Variants in ABCC5 observed in about 807,000 individuals in gnomAD.
The protein encoded by ABCC5 is ATP-binding cassette sub-family C member 5.
Under a neutral mutation model 160.9 loss-of-function variants are expected in ABCC5, and 61 were observed. The ratio of observed to expected loss-of-function variants is 0.38; its 90% CI spans 0.31 to 0.47. ABCC5 has a LOEUF of 0.47. Ranked by LOEUF, ABCC5 falls within the 20% of genes least tolerant of loss-of-function variation. The pLI, the probability that ABCC5 is intolerant of heterozygous loss-of-function variation, is 0.99. For missense variants in ABCC5, 1,308 were observed against 1,813.3 expected (o/e 0.72, Z 5.06); for synonymous variants, 666 against 700.6 (o/e 0.95, Z 0.78).
intron 17 of ABCC5, among the ~76,000 whole-genome samples, chr3:183,957,638 T>C (rs867117821): frequency 9.9e-5 from 15 of 151,138 alleles, no homozygotes; most frequent in South Asian, 2.1e-4. Flanking sequence ...GTAAATCACA[T>C]CGGTTACATG....
In ABCC5 at chr3:184,017,645, T is replaced by C. The variant is rs1722303611; in HGVS notation, c.-56+185A>G. Among the ~76,000 whole-genome samples, 2 of 152,010 alleles carry C rather than the reference T, an allele frequency of 1.3e-5. No homozygotes were observed. The highest frequency in any genetic ancestry group is 4.8e-5 in the African/African-American group (2 of 41,402). On this transcript the variant is annotated intron_variant, in intron 1 of 29. Coordinates refer to ENST00000334444, the MANE Select transcript of ABCC5 (RefSeq NM_005688.4). The surrounding 1 kb of genome is among the most constrained non-coding windows in gnomAD (Gnocchi z 4.5). ...ACGACCCCGTCACCAGACCCCGGGC[T>C]CACAGGCCTAGGAGGCGGCGGCAGG...
intron 2 of ABCC5, among the ~76,000 whole-genome samples, chr3:184,002,413 G>A (rs866515069): frequency 1.2e-4 from 17 of 139,882 alleles, no homozygotes; most frequent in Middle Eastern, 3.6e-3. Flanking sequence ...AAAAAAAAAA[G>A]AGAAAAACAA....
chr3:183,928,889 C>A, intron 26 of ABCC5, 64 bp from the exon 27 acceptor site: 1 of 1,382,792 alleles, frequency 7.2e-7, no homozygotes. Context: ...CAAAGGCTGT[C>A]TGTGGAAGAT....
At chr3:183,953,628 C>T (rs1715593983) in intron 17 of ABCC5, among the ~76,000 whole-genome samples, 1 of 152,152 alleles carries the variant, frequency 6.6e-6, no homozygotes. Flanking sequence ...ATGGGAACCC[C>T]TGGGAGGCAT....
At chr3:183,985,420 T>A (rs374000923) in intron 5 of ABCC5, 129 of 1,537,728 alleles carry the variant, frequency 8.4e-5, no homozygotes, top group Non-Finnish European at 1.1e-4. Context: ...ACAGAGAGAC[T>A]CCCCCCAAAT....
intron 2 of ABCC5, among the ~76,000 whole-genome samples, chr3:184,012,319 A>G (rs970098162): frequency 6.6e-6 from 1 of 152,146 alleles, no homozygotes; most frequent in Admixed American, 6.5e-5. Flanking sequence ...GGCATGCAGA[A>G]TTTCACCCGA....
chr3:183,958,939 C>T (rs1349305381), intron 17 of ABCC5, among the ~76,000 whole-genome samples: 1 of 151,824 alleles, frequency 6.6e-6, no homozygotes, highest in Non-Finnish European at 1.5e-5. Flanking sequence ...CAACAGGCTC[C>T]GTCTCCAAAG....
intron 2 of ABCC5, among the ~76,000 whole-genome samples, chr3:184,009,217 A>G (rs1721487542): frequency 6.6e-6 from 1 of 152,166 alleles, no homozygotes; most frequent in Non-Finnish European, 1.5e-5. Context: ...GTGCTGAATG[A>G]AACCTTGCTT....
Position 183,982,424 on chromosome 3 carries a change from C to A in ABCC5, c.999+27G>T. On this transcript the variant is annotated intron_variant, in intron 7 of 29. Transcript: ENST00000334444. The surrounding 1 kb of genome is among the most constrained non-coding windows in gnomAD (Gnocchi z 5.2). The stretch of plus-strand genomic sequence containing the variant: ...AACTCATCTCCTAAGGAGAAGCTGC[C>A]AGGATTCAGCTGGGAGGCTTACTCA... 1 of 1,607,124 alleles carries A rather than the reference C, an allele frequency of 6.2e-7. No individual in the cohort carries two copies. Among genetic ancestry groups the A allele is most frequent in the East Asian group, 2.2e-5 (1 of 44,758 alleles).
chr3:183,924,529 A>C (rs1203548372), intron 29 of ABCC5, among the ~76,000 whole-genome samples: 1 of 152,218 alleles, frequency 6.6e-6, no homozygotes, highest in Non-Finnish European at 1.5e-5. Flanking sequence ...CTACAATAGA[A>C]GACATGTTAC....
chr3:183,928,705 C>A, intron 27 of ABCC5, 42 bp downstream of exon 27: 2 of 1,577,530 alleles, frequency 1.3e-6, no homozygotes, highest in South Asian at 2.2e-5. Flanking sequence ...GTGCTTCCAC[C>A]CTCACCATCT....
intron 15 of ABCC5, among the ~76,000 whole-genome samples, chr3:183,962,272 T>G (rs1716822993): frequency 1.3e-5 from 2 of 152,156 alleles, no homozygotes; most frequent in Admixed American, 6.5e-5. Context: ...CTCATGCAAT[T>G]TTTTTCAATA....
In ABCC5 at chr3:183,956,785, C is replaced by T. The variant is rs559842884; in HGVS notation, c.2482+2948G>A. ...GTGTGTACATCACATCGGTTACATG[C>T]GGATCCGTGTGTATATCACATCTGT... On this transcript the variant is annotated intron_variant, in intron 17 of 29. Coordinates refer to ENST00000334444, the MANE Select transcript of ABCC5 (RefSeq NM_005688.4). Among the ~76,000 whole-genome samples the T allele has an allele frequency of 7.7e-4, 46 of 59,614 alleles. 10 individuals carry two copies. The highest frequency in any genetic ancestry group is 1.6e-3 in the Admixed American group (10 of 6,342). The allele number at this position is 59,614 out of a possible 152,430, so 39.1% of individuals were successfully genotyped here. A position where few individuals can be genotyped will look rare whatever the true frequency, so the allele number is the denominator to read the frequency against.
At chr3:183,950,788 G>T (rs1313673586) in intron 20 of ABCC5, among the ~76,000 whole-genome samples, 1 of 152,156 alleles carries the variant, frequency 6.6e-6, no homozygotes, top group Non-Finnish European at 1.5e-5. Context: ...GGTTTACAAT[G>T]GCCTATCAAT....
rs1712472835 is a variant in ABCC5, at chr3:183,925,734, G to A, written c.4048-15C>T. On this transcript the variant is annotated splice_polypyrimidine_tract_variant and intron_variant, in intron 28 of 29. Transcript: ENST00000334444. ...AAAATCAGAATCTGCCAGAGAAGCA[G>A]AGGAGAAAGAAACTCGATTAAATTC... is the stretch of plus-strand genomic sequence containing the variant. 1 of 1,607,104 alleles carries A rather than the reference G, an allele frequency of 6.2e-7. No individual in the cohort carries two copies. Among genetic ancestry groups the A allele is most frequent in the Non-Finnish European group, 8.5e-7 (1 of 1,177,960 alleles).
intron 29 of ABCC5, among the ~76,000 whole-genome samples, chr3:183,925,091 G>A (rs1402003): frequency 0.62 from 94,447 of 152,112 alleles, 30,107 homozygotes; most frequent in East Asian, 0.84. Context: ...TGGTGCCGCT[G>A]CGTGATTGCA....
At chr3:183,922,748 T>C (rs1712128879) in intron 29 of ABCC5, among the ~76,000 whole-genome samples, 1 of 152,122 alleles carries the variant, frequency 6.6e-6, no homozygotes. Context: ...TTTAAGGAGA[T>C]GTAAGAGGAA....
chr3:183,981,697 C>T (rs772077526), intron 8 of ABCC5, 30 bp downstream of exon 8: 1 of 1,605,902 alleles, frequency 6.2e-7, no homozygotes, highest in East Asian at 2.2e-5. Flanking sequence ...GTCCTTCTAC[C>T]ACATGCACAT....
rs1321489314 is a variant in ABCC5 at position 183,982,904 on chromosome 3, C to T, written c.695G>A (p.Arg232Gln). 2 of 1,614,094 alleles carry T rather than the reference C, an allele frequency of 1.2e-6. No individual in the cohort carries two copies. Among genetic ancestry groups the T allele is most frequent in the Admixed American group, 1.7e-5 (1 of 60,004 alleles). ...CCAAGTCAGTGCAAGCGACCAAGAC[C>T]GCACGATTTCCGTCAGGAGGAGGCC... is the stretch of plus-strand genomic sequence containing the variant. Reference protein sequence around the residue: ...VLGLLLTEIVRSWSLALTWAL... With the variant: ...VLGLLLTEIVQSWSLALTWAL... The change falls in exon 6 of 30, where the codon CGG becomes CAG. Residue 232 changes from arginine (R) to glutamine (Q), a missense_variant. Coordinates refer to ENST00000334444, the MANE Select transcript of ABCC5 (RefSeq NM_005688.4). The surrounding 1 kb of genome is among the most constrained non-coding windows in gnomAD (Gnocchi z 5.2).
Sources: allele counts gnomAD v4.1 joint callset (sites outside exome capture counted in the v4.1 genomes callset), GRCh38; gene constraint gnomAD v4.1.1; non-coding constraint Gnocchi (gnomAD v3.1); transcripts MANE v1.5; gene names NCBI Gene and HGNC (gene_info 2026-07-23, HGNC 2026-07-21).